Variants in PYY observed in about 807,000 individuals in gnomAD.
The protein encoded by PYY is peptide YY, also known as peptide tyrosine tyrosine.
In PYY, 12 loss-of-function variants were observed where a neutral mutation model predicts 10.3. The ratio of observed to expected loss-of-function variants is 1.17; its 90% CI spans 0.75 to 1.89. PYY has a LOEUF of 1.89. PYY is among the 40% of genes most tolerant of loss of function. PYY has a pLI of 0.00. For missense variants in PYY, 141 were observed against 134.0 expected (o/e 1.05, Z -0.26); for synonymous variants, 66 against 62.0 (o/e 1.06, Z -0.30).
At chr17:43,976,510 G>A (rs1167855323) in intron 1 of PYY, among the ~76,000 whole-genome samples, 2 of 151,720 alleles carry the variant, frequency 1.3e-5, no homozygotes, top group African/African-American at 2.4e-5. Flanking sequence ...GGTGGCTCAC[G>A]TCTGTAATCC....
At chr17:43,992,890 G>C (rs1003006891) in intron 1 of PYY, among the ~76,000 whole-genome samples, 2 of 96,470 alleles carry the variant, frequency 2.1e-5, no homozygotes, top group African/African-American at 7.8e-5. Context: ...GGAACAGGGG[G>C]AGGATTGTCA....
chr17:43,996,076 C>A (rs1296672015), intron 1 of PYY, among the ~76,000 whole-genome samples: 1 of 152,132 alleles, frequency 6.6e-6, no homozygotes, highest in Non-Finnish European at 1.5e-5. Context: ...GCTTGTGACA[C>A]ACTTATAACC....
intron 2 of PYY, among the ~76,000 whole-genome samples, chr17:43,963,604 AAGAAAGAAAGAAAGAAAGAAAGAG>A (rs2048731758): frequency 1.1e-5 from 1 of 91,112 alleles, no homozygotes; most frequent in Non-Finnish European, 2.8e-5. Context: ...GAAAGAAAGA[AAGAAAGAAAGAAAGAAAGAAAGAG>A]AAAGAAAGAA....
upstream of PYY, among the ~76,000 whole-genome samples, chr17:43,957,765 G>A (rs752248098): frequency 1.2e-4 from 18 of 152,108 alleles, no homozygotes; most frequent in South Asian, 4.1e-4. Flanking sequence ...TTCCCAGTGC[G>A]CTGGGAGACC....
chr17:43,963,086 A>G (rs1193053700), intron 2 of PYY, among the ~76,000 whole-genome samples: 1 of 152,232 alleles, frequency 6.6e-6, no homozygotes, highest in Non-Finnish European at 1.5e-5. Flanking sequence ...AATAAAAGGA[A>G]GAGATTTGTG....
intron 1 of PYY, among the ~76,000 whole-genome samples, chr17:43,977,185 G>A (rs529893674): frequency 7.0e-4 from 106 of 152,282 alleles, no homozygotes; most frequent in Middle Eastern, 6.8e-3. Flanking sequence ...GCAGGGAGAG[G>A]GAGGGGGAGA....
At chr17:43,954,138 G>A (rs2048656690), upstream of PYY, among the ~76,000 whole-genome samples, 2 of 152,278 alleles carry the variant, frequency 1.3e-5, no homozygotes, top group African/African-American at 4.8e-5. Context: ...GCTCAGATTC[G>A]TGGTCTCACT....
chr17:43,954,020 G>A (rs981211402), upstream of PYY: 2 of 153,676 alleles, frequency 1.3e-5, no homozygotes, highest in African/African-American at 4.8e-5. Flanking sequence ...AGCCAGCAGG[G>A]GGTGGGCCCT....
intron 2 of PYY, among the ~76,000 whole-genome samples, chr17:43,965,975 G>A (rs751039617): frequency 1.3e-5 from 2 of 151,506 alleles, no homozygotes; most frequent in Non-Finnish European, 2.9e-5. Flanking sequence ...TCACTGTAGG[G>A]TTGTCATCTA....
At chr17:43,957,904 T>C (rs1485246208), upstream of PYY, 2 of 154,468 alleles carry the variant, frequency 1.3e-5, no homozygotes, top group African/African-American at 2.4e-5. Context: ...TCACTTTTTA[T>C]GGTAGGAGCT....
chr17:43,991,872 A>G (rs9891488), intron 1 of PYY, among the ~76,000 whole-genome samples: 55,005 of 151,442 alleles, frequency 0.36, 10,590 homozygotes, highest in East Asian at 0.76. Flanking sequence ...TGTAATCCCA[A>G]CACTCTGGGA....
intron 2 of PYY, among the ~76,000 whole-genome samples, chr17:43,961,073 T>C (rs1250812616): frequency 1.3e-5 from 2 of 151,376 alleles, no homozygotes; most frequent in Non-Finnish European, 2.9e-5. Context: ...CAATAAAAAA[T>C]AAATTAGCCT....
chr17:43,963,903 C>T (rs2048736829), intron 2 of PYY, among the ~76,000 whole-genome samples: 1 of 152,016 alleles, frequency 6.6e-6, no homozygotes, highest in Non-Finnish European at 1.5e-5. Flanking sequence ...AGTCCCACTA[C>T]TTAGAAGGCT....
intron 1 of PYY, among the ~76,000 whole-genome samples, chr17:43,971,591 A>C (rs1162050351): frequency 1.3e-5 from 2 of 149,266 alleles, no homozygotes; most frequent in African/African-American, 4.9e-5. Context: ...AAAAAATTGC[A>C]TCTTTCTGTT....
At chr17:44,000,469 G>A (rs1473324336) in intron 1 of PYY, among the ~76,000 whole-genome samples, 1 of 152,106 alleles carries the variant, frequency 6.6e-6, no homozygotes, top group East Asian at 1.9e-4. Context: ...GGCCACAGCT[G>A]GGTGTGTTTT....
rs536516311 is a variant in PYY at position 43,971,209 on chromosome 17, C to T, written c.-462-4677G>A. Among the ~76,000 whole-genome samples the T allele has an allele frequency of 4.6e-5, 7 of 152,248 alleles. No homozygotes were observed. The East Asian group carries it at 9.7e-4, about 21-fold the overall frequency. ...ATTGCTCTGCACCCTCTCGGCACTT[C>T]GGATTGTCAATATTTTTTATATTAC... On this transcript the variant is annotated intron_variant, in intron 1 of 6. Transcript: ENST00000360085.
At chr17:43,953,511 C>T (rs762039857) in intron 1 of PYY, 28 bp from the exon 2 acceptor site, 13 of 1,551,444 alleles carry the variant, frequency 8.4e-6, no homozygotes, top group Non-Finnish European at 1.1e-5. Flanking sequence ...GGACGTGGGT[C>T]ATTCCAAGCC....
At chr17:43,957,270 T>C (rs2048680481), upstream of PYY, among the ~76,000 whole-genome samples, 1 of 151,580 alleles carries the variant, frequency 6.6e-6, no homozygotes, top group Non-Finnish European at 1.5e-5. Context: ...TGCCAGGCAC[T>C]GATCTAGGCA....
intron 2 of PYY, among the ~76,000 whole-genome samples, chr17:43,962,600 GACCAATTTGCCTGCATC>G (rs1428846260): frequency 6.6e-6 from 1 of 152,196 alleles, no homozygotes; most frequent in Non-Finnish European, 1.5e-5. Flanking sequence ...AGACTGCCGG[GACCAATTTGCCTGCATC>G]ACGTTGGAAG....
Sources: allele counts gnomAD v4.1 joint callset (sites outside exome capture counted in the v4.1 genomes callset), GRCh38; gene constraint gnomAD v4.1.1; transcripts MANE v1.5; gene names NCBI Gene and HGNC (gene_info 2026-07-23, HGNC 2026-07-21).